Variants in ANKH observed in about 807,000 individuals in gnomAD.
ANKH encodes the protein mineralization regulator ANKH.
Under a neutral mutation model 49.0 loss-of-function variants are expected in ANKH, and 15 were observed. The observed-to-expected ratio is 0.31, with a 90% CI of 0.20 to 0.47. The LOEUF (loss-of-function observed/expected upper bound fraction) is 0.47. Among genes scored for constraint, ANKH ranks in the 20% least tolerant of loss-of-function variants. The probability of loss-of-function intolerance (pLI) is 1.00; values close to 1 mark genes in which losing one functional copy is unlikely to be tolerated. For synonymous variants in ANKH, 273 were observed against 260.0 expected (o/e 1.05, Z -0.48); for missense variants, 429 against 652.0 (o/e 0.66, Z 3.72).
chr5:14,786,256 A>G (rs1263589703), intron 1 of ANKH, among the ~76,000 whole-genome samples: 1 of 152,198 alleles, frequency 6.6e-6, no homozygotes, highest in African/African-American at 2.4e-5. Flanking sequence ...AGAAAACCAC[A>G]GCATTTTATT....
chr5:14,844,062 A>C (rs1384383340), intron 1 of ANKH, among the ~76,000 whole-genome samples: 1 of 152,212 alleles, frequency 6.6e-6, no homozygotes, highest in Non-Finnish European at 1.5e-5. Flanking sequence ...TTCACCGTAG[A>C]GCAAATAAGA....
At chr5:14,743,144 A>C (rs1303164643) in intron 7 of ANKH, among the ~76,000 whole-genome samples, 1 of 152,210 alleles carries the variant, frequency 6.6e-6, no homozygotes, top group Non-Finnish European at 1.5e-5. Flanking sequence ...ACGTTTTCTT[A>C]ATTCTAGTCT....
At chr5:14,734,258 C>T (rs141779526) in intron 8 of ANKH, among the ~76,000 whole-genome samples, 24 of 151,896 alleles carry the variant, frequency 1.6e-4, no homozygotes, top group African/African-American at 5.8e-4. Flanking sequence ...CCACTCACCC[C>T]CGTCACTCTC....
chr5:14,712,959 G>T lies in ANKH; in HGVS notation c.1280C>A (p.Thr427Asn). The T allele has an allele frequency of 6.2e-7, 1 of 1,613,192 alleles. No homozygotes were observed. Among genetic ancestry groups the T allele is most frequent in the Middle Eastern group, 1.7e-4 (1 of 6,058 alleles). The change falls in exon 11 of 12, where the codon ACC (threonine) becomes AAC (asparagine). Residue 427 changes from threonine (T) to asparagine (N), a missense_variant. Around this residue, in one of 2 missense-constraint regions of ANKH, gnomAD observed 378 missense variants for 615.3 expected, o/e 0.61. Transcript: ENST00000284268. ...CGCCAGGAGGGAGCCCACGCCCAGG[G>T]TCGCACCGTGCACCCTGCAGATGAG... The part of the protein sequence containing the change: ...VLPYLGVHGA[T>N]LGVGSLLAGF...
chr5:14,786,037 C>A, intron 1 of ANKH, among the ~76,000 whole-genome samples: 1 of 116,374 alleles, frequency 8.6e-6, no homozygotes, highest in Admixed American at 1.0e-4. Context: ...GAAAGTGAGA[C>A]TCTGTCTCAA....
At chr5:14,862,786 G>A (rs1735534971) in intron 1 of ANKH, among the ~76,000 whole-genome samples, 1 of 152,338 alleles carries the variant, frequency 6.6e-6, no homozygotes, top group East Asian at 1.9e-4. Flanking sequence ...TTTGAGGGCA[G>A]GGGCTGGCTC....
At chr5:14,730,171 T>C (rs1737950237) in intron 8 of ANKH, among the ~76,000 whole-genome samples, 1 of 151,956 alleles carries the variant, frequency 6.6e-6, no homozygotes, top group Non-Finnish European at 1.5e-5. Flanking sequence ...GCTAAGCCCC[T>C]CTCCTCTCTG....
At position 14,798,097 on chromosome 5, in the gene ANKH, T is replaced by C. The variant is rs1740448791; in HGVS notation, c.97-28906A>G. On this transcript the variant is annotated intron_variant, in intron 1 of 11. Transcript: ENST00000284268. Reference sequence around the variant, plus strand: ...GAACCAAAACCTCCAAATTCTCCTTTCTCTCTGTCGTAGTGTGATGCATCA... The same window carrying C: ...GAACCAAAACCTCCAAATTCTCCTTCCTCTCTGTCGTAGTGTGATGCATCA... The C allele has an allele frequency of 2.6e-6, 4 of 1,567,654 alleles. No homozygotes were observed. In the African/African-American group the frequency reaches 5.4e-5, roughly 21 times the overall value.
intron 1 of ANKH, among the ~76,000 whole-genome samples, chr5:14,786,034 A>T (rs192885696): frequency 2.9e-3 from 386 of 135,346 alleles, no homozygotes; most frequent in Middle Eastern, 0.011. Context: ...TGAGAAAGTG[A>T]GACTCTGTCT....
chr5:14,720,522 C>T (rs1337494961), intron 8 of ANKH, among the ~76,000 whole-genome samples: 2 of 152,220 alleles, frequency 1.3e-5, no homozygotes, highest in African/African-American at 2.4e-5. Context: ...ATCCCATCCC[C>T]ACAAATACAT....
intron 1 of ANKH, among the ~76,000 whole-genome samples, chr5:14,852,146 G>T (rs1561084472): frequency 6.6e-6 from 1 of 152,162 alleles, no homozygotes; most frequent in Non-Finnish European, 1.5e-5. Flanking sequence ...TCCATGAGTG[G>T]TGACACATGC....
At chr5:14,834,945 G>T (rs930743924) in intron 1 of ANKH, among the ~76,000 whole-genome samples, 8 of 152,180 alleles carry the variant, frequency 5.3e-5, no homozygotes, top group Admixed American at 3.3e-4. Flanking sequence ...AACACTGTCA[G>T]GGCTACATAA....
chr5:14,723,128 C>T (rs1737720213), intron 8 of ANKH, among the ~76,000 whole-genome samples: 1 of 152,080 alleles, frequency 6.6e-6, no homozygotes, highest in Admixed American at 6.5e-5. Context: ...GATGACTAGA[C>T]ATAATGTGGT....
intron 1 of ANKH, among the ~76,000 whole-genome samples, chr5:14,815,079 T>C (rs1030861779): frequency 6.6e-6 from 1 of 152,200 alleles, no homozygotes; most frequent in Non-Finnish European, 1.5e-5. Flanking sequence ...CACCTGTCCC[T>C]CTCTGAAAAT....
intron 1 of ANKH, among the ~76,000 whole-genome samples, chr5:14,769,934 C>T (rs989333230): frequency 2.0e-5 from 3 of 152,148 alleles, no homozygotes; most frequent in African/African-American, 7.2e-5. Context: ...CCAAGAGAGA[C>T]GCTCTTAGGC....
At chr5:14,871,267 G>A in intron 1 of ANKH, 85 bp downstream of exon 1, 2 of 1,175,736 alleles carry the variant, frequency 1.7e-6, no homozygotes, top group Non-Finnish European at 2.5e-6. Flanking sequence ...GGGACTCGGA[G>A]CAGGTGACTC....
chr5:14,765,633 G>A lies in ANKH; in HGVS notation c.313+3342C>T, dbSNP rs113185344. ...AAAAAAAAAAGAAAAGAAATGTAAG[G>A]AAAAAGAATTCCTTAACTACAGTAA... On this transcript the variant is annotated intron_variant, in intron 2 of 11. Transcript: ENST00000284268. 2.6e-5 allele frequency among the ~76,000 whole-genome samples: 4 copies of A among 152,254 alleles called. 1 individual carries two copies. Among genetic ancestry groups the A allele is most frequent in the African/African-American group, 9.6e-5 (4 of 41,562 alleles).
At chr5:14,859,578 A>G (rs1000634958) in intron 1 of ANKH, among the ~76,000 whole-genome samples, 2 of 152,354 alleles carry the variant, frequency 1.3e-5, no homozygotes, top group African/African-American at 4.8e-5. Context: ...AAGAAAGAAT[A>G]AGGTGCTAGA....
At chr5:14,859,667 T>C (rs1475341224) in intron 1 of ANKH, among the ~76,000 whole-genome samples, 1 of 152,204 alleles carries the variant, frequency 6.6e-6, no homozygotes, top group African/African-American at 2.4e-5. Flanking sequence ...AGTGGTTGAC[T>C]AGGAAGACTG....
Sources: allele counts gnomAD v4.1 joint callset (sites outside exome capture counted in the v4.1 genomes callset), GRCh38; gene constraint gnomAD v4.1.1; regional missense constraint gnomAD v4.1.1; transcripts MANE v1.5; gene names NCBI Gene and HGNC (gene_info 2026-07-23, HGNC 2026-07-21).